The following ZMPSTE24 variants were observed in gnomAD, a reference collection of about 807,000 sequenced individuals.
ZMPSTE24 encodes the protein CAAX prenyl protease 1 homolog.
A neutral mutation model predicts 56.7 loss-of-function variants in ZMPSTE24; 48 were observed. The ratio of observed to expected loss-of-function variants is 0.85; its 90% CI spans 0.67 to 1.08. The LOEUF is 1.08. Ranked by LOEUF, ZMPSTE24 falls within the 50% of genes least tolerant of loss-of-function variation. The probability of loss-of-function intolerance (pLI) is 0.00; values close to 1 mark genes in which losing one functional copy is unlikely to be tolerated. For synonymous variants in ZMPSTE24, 172 were observed against 195.2 expected (o/e 0.88, Z 0.99); for missense variants, 503 against 548.7 (o/e 0.92, Z 0.83).
At chr1:40,269,172 G>A (rs1643588370) in intron 4 of ZMPSTE24, among the ~76,000 whole-genome samples, 1 of 152,038 alleles carries the variant, frequency 6.6e-6, no homozygotes, top group Non-Finnish European at 1.5e-5. Context: ...TAAGGCGGGA[G>A]GATCACTTGA....
At chr1:40,262,447 CT>C (rs946418097) in intron 2 of ZMPSTE24, among the ~76,000 whole-genome samples, 1 of 151,494 alleles carries the variant, frequency 6.6e-6, no homozygotes, top group African/African-American at 2.4e-5. Flanking sequence ...AGCATTGCTT[CT>C]GTTAGGGACA....
chr1:40,279,556 T>A (rs1186951505), intron 6 of ZMPSTE24, among the ~76,000 whole-genome samples: 3 of 152,210 alleles, frequency 2.0e-5, no homozygotes, highest in African/African-American at 4.8e-5. Flanking sequence ...TGTGAAAACG[T>A]TTTCTCTTTA....
rs190381055 is a variant in ZMPSTE24, at chr1:40,288,147, C to T, written c.1059+2118C>T. On this transcript the variant is annotated intron_variant, in intron 8 of 9. Coordinates refer to ENST00000372759, the MANE Select transcript of ZMPSTE24 (RefSeq NM_005857.5). ...GAGCCATGATCACACCACTGCACTT[C>T]CAGCCTGGGTGACAGACCCTGTCTC... Among the ~76,000 whole-genome samples the T allele has an allele frequency of 6.9e-3, 1,056 of 152,200 alleles. 5 individuals carry two copies. Among genetic ancestry groups the T allele is most frequent in the Non-Finnish European group, 8.7e-3 (589 of 68,010 alleles).
chr1:40,286,682 A>G (rs1253850334), intron 8 of ZMPSTE24, among the ~76,000 whole-genome samples: 4 of 151,152 alleles, frequency 2.6e-5, no homozygotes, highest in Admixed American at 1.3e-4. Flanking sequence ...CGGCCTCCCA[A>G]AGTGCTGGGA....
At chr1:40,266,132 C>G (rs1643546098) in intron 2 of ZMPSTE24, among the ~76,000 whole-genome samples, 1 of 152,120 alleles carries the variant, frequency 6.6e-6, no homozygotes, top group African/African-American at 2.4e-5. Context: ...CATTTATATA[C>G]ATTCTTTAAA....
At chr1:40,260,415 T>A (rs1643485368) in intron 1 of ZMPSTE24, among the ~76,000 whole-genome samples, 1 of 152,174 alleles carries the variant, frequency 6.6e-6, no homozygotes, top group South Asian at 2.1e-4. Context: ...GATCCTCAAG[T>A]TTCTGGCATT....
intron 2 of ZMPSTE24, 26 bp downstream of exon 2, chr1:40,261,011 C>T: frequency 6.2e-7 from 1 of 1,612,566 alleles, no homozygotes; most frequent in Non-Finnish European, 8.5e-7. Flanking sequence ...CTTGGAGAGA[C>T]AGTCTGTCTG....
chr1:40,271,806 G>A lies in ZMPSTE24; in HGVS notation c.628-88G>A, dbSNP rs978022017. ...TGTTCTCAAGTTTGAGGTCAACATA[G>A]TTGTTTTAATATAATTTAATCTGTA... On this transcript the variant is annotated intron_variant, in intron 5 of 9. Transcript: ENST00000372759. 37 of 1,453,298 alleles carry A rather than the reference G, an allele frequency of 2.5e-5. No individual in the cohort carries two copies. In the South Asian group the frequency reaches 4.0e-4, roughly 16 times the overall value. The allele number at this position is 1,453,298 out of a possible 1,614,324, so 90.0% of individuals were successfully genotyped here. A position where few individuals can be genotyped will look rare whatever the true frequency, so the allele number is the denominator to read the frequency against.
chr1:40,268,639 A>C (rs1036308268), intron 4 of ZMPSTE24, 104 bp downstream of exon 4: 4 of 811,824 alleles, frequency 4.9e-6, no homozygotes, highest in Non-Finnish European at 5.8e-6. Flanking sequence ...TCAGAGTATG[A>C]ATTGAGAAAA....
Position 40,274,282 on chromosome 1 carries a change from A to G in ZMPSTE24, c.769+2247A>G, listed in dbSNP as rs191121392. Among the ~76,000 whole-genome samples, 89 of 152,372 alleles carry G rather than the reference A, an allele frequency of 5.8e-4. 2 individuals are homozygous for G. In the South Asian group the frequency reaches 0.015, roughly 25 times the overall value. On this transcript the variant is annotated intron_variant, in intron 6 of 9. Transcript: ENST00000372759. ...TTAATTGTTGTTAACAACAGTAACA[A>G]TTCTCAAAAATATTTTGAATGAATG...
At chr1:40,268,121 T>G (rs1288670024) in intron 3 of ZMPSTE24, among the ~76,000 whole-genome samples, 1 of 152,234 alleles carries the variant, frequency 6.6e-6, no homozygotes, top group Non-Finnish European at 1.5e-5. Flanking sequence ...AGTTATCAGG[T>G]GACTTTCTTC....
At chr1:40,286,954 ACTC>A (rs2124594154) in intron 8 of ZMPSTE24, among the ~76,000 whole-genome samples, 1 of 149,564 alleles carries the variant, frequency 6.7e-6, no homozygotes, top group South Asian at 2.1e-4. Context: ...CTGGTCTCGA[ACTC>A]CTGACCTCAG....
intron 6 of ZMPSTE24, among the ~76,000 whole-genome samples, chr1:40,277,382 T>G (rs1408149276): frequency 6.6e-6 from 1 of 151,974 alleles, no homozygotes; most frequent in Non-Finnish European, 1.5e-5. Flanking sequence ...CACCGCACCC[T>G]GCCAGGGATT....
intron 2 of ZMPSTE24, among the ~76,000 whole-genome samples, chr1:40,263,621 A>C (rs912271731): frequency 6.6e-6 from 1 of 152,170 alleles, no homozygotes. Flanking sequence ...GTAACTTTGA[A>C]ACCTTGTTTT....
At chr1:40,282,247 A>C (rs6691598) in intron 7 of ZMPSTE24, among the ~76,000 whole-genome samples, 79,193 of 152,062 alleles carry the variant, frequency 0.52, 22,065 homozygotes, top group African/African-American at 0.72. Flanking sequence ...CAAATCTGAC[A>C]TGAGAGTCTG....
chr1:40,278,935 G>A (rs986295635), intron 6 of ZMPSTE24, among the ~76,000 whole-genome samples: 3 of 152,136 alleles, frequency 2.0e-5, no homozygotes, highest in African/African-American at 7.2e-5. Flanking sequence ...AATTGCTTGA[G>A]CCCAGGAGTT....
chr1:40,261,110 G>A (rs769107734), intron 2 of ZMPSTE24, 125 bp downstream of exon 2: 137 of 1,217,440 alleles, frequency 1.1e-4, no homozygotes, highest in Middle Eastern at 5.7e-4. Flanking sequence ...GTTATTGATA[G>A]TAACGGCTGT....
chr1:40,291,899 G>C (rs1643847890), intron 9 of ZMPSTE24, among the ~76,000 whole-genome samples: 1 of 150,888 alleles, frequency 6.6e-6, no homozygotes, highest in Non-Finnish European at 1.5e-5. Context: ...GGAGTGCAGG[G>C]GTGTCATCTT....
intron 7 of ZMPSTE24, among the ~76,000 whole-genome samples, chr1:40,285,566 T>C (rs971982053): frequency 6.6e-6 from 1 of 152,224 alleles, no homozygotes; most frequent in Non-Finnish European, 1.5e-5. Flanking sequence ...AAATTTCTAA[T>C]GATTTTGTAA....
Sources: allele counts gnomAD v4.1 joint callset (sites outside exome capture counted in the v4.1 genomes callset), GRCh38; gene constraint gnomAD v4.1.1; transcripts MANE v1.5; gene names NCBI Gene and HGNC (gene_info 2026-07-23, HGNC 2026-07-21).